The following CNTN5 variants were observed in gnomAD, a reference collection of about 807,000 sequenced individuals.
CNTN5 encodes the protein contactin-5.
CNTN5 carries 77 observed loss-of-function variants against 129.1 expected under a neutral mutation model. That is an observed-to-expected ratio of 0.60 (90% CI 0.50 to 0.72). CNTN5 has a LOEUF of 0.72. CNTN5 is among the 30% of genes least tolerant of loss of function. The probability of loss-of-function intolerance (pLI) is 0.00; values close to 1 mark genes in which losing one functional copy is unlikely to be tolerated. For missense variants in CNTN5, 1,478 were observed against 1,328.8 expected (o/e 1.11, Z -1.75); for synonymous variants, 509 against 465.6 (o/e 1.09, Z -1.20).
intron 1 of CNTN5, among the ~76,000 whole-genome samples, chr11:99,142,471 T>C (rs114345663): frequency 3.7e-3 from 569 of 152,076 alleles, no homozygotes; most frequent in African/African-American, 0.013. Context: ...GGTCTGCTGG[T>C]GTAGGAGCTA....
chr11:99,690,844 T>C (rs1303569919), intron 3 of CNTN5, among the ~76,000 whole-genome samples: 1 of 152,068 alleles, frequency 6.6e-6, no homozygotes, highest in Non-Finnish European at 1.5e-5. Flanking sequence ...ATAACAACTC[T>C]TTTTTGTACA....
At chr11:99,759,561 A>T (rs1012737021) in intron 3 of CNTN5, among the ~76,000 whole-genome samples, 1 of 151,960 alleles carries the variant, frequency 6.6e-6, no homozygotes, top group African/African-American at 2.4e-5. Context: ...TTGAGATATG[A>T]CCCCAAGAAT....
intron 2 of CNTN5, among the ~76,000 whole-genome samples, chr11:99,506,987 A>G (rs1946647386): frequency 6.6e-6 from 1 of 152,224 alleles, no homozygotes; most frequent in Admixed American, 6.5e-5. Context: ...TTGACATCTA[A>G]CATATGAAAT....
At chr11:99,379,711 G>T (rs557287550) in intron 2 of CNTN5, among the ~76,000 whole-genome samples, 1 of 152,178 alleles carries the variant, frequency 6.6e-6, no homozygotes, top group Admixed American at 6.5e-5. Flanking sequence ...GTGTATTTAT[G>T]CATTCTATAA....
At chr11:99,851,211 A>G (rs987728623) in intron 6 of CNTN5, among the ~76,000 whole-genome samples, 1 of 152,176 alleles carries the variant, frequency 6.6e-6, no homozygotes, top group African/African-American at 2.4e-5. Context: ...TTTAGCATTA[A>G]TAAACCTAAC....
chr11:100,169,711 GA>G (rs1194383932), intron 13 of CNTN5, among the ~76,000 whole-genome samples: 1 of 151,966 alleles, frequency 6.6e-6, no homozygotes, highest in Non-Finnish European at 1.5e-5. Context: ...TGATTTTATT[GA>G]GGTGGTTTGC....
intron 3 of CNTN5, among the ~76,000 whole-genome samples, chr11:99,682,514 A>G (rs1400214899): frequency 1.3e-5 from 2 of 151,982 alleles, no homozygotes; most frequent in Non-Finnish European, 2.9e-5. Context: ...TCTAAATACC[A>G]AAGTAATTTT....
intron 3 of CNTN5, among the ~76,000 whole-genome samples, chr11:99,730,176 A>G (rs954184389): frequency 1.3e-5 from 2 of 152,212 alleles, no homozygotes; most frequent in South Asian, 4.1e-4. Flanking sequence ...TTAATTAAAC[A>G]GAATTAAATA....
intron 1 of CNTN5, among the ~76,000 whole-genome samples, chr11:99,314,530 C>T (rs1195799513): frequency 1.3e-5 from 2 of 151,992 alleles, no homozygotes; most frequent in Non-Finnish European, 2.9e-5. Flanking sequence ...AGAGATTTTA[C>T]TGTCTAGACA....
chr11:99,492,664 C>A (rs1368932672), intron 2 of CNTN5, among the ~76,000 whole-genome samples: 1 of 151,850 alleles, frequency 6.6e-6, no homozygotes, highest in African/African-American at 2.4e-5. Flanking sequence ...CCCCTATAAC[C>A]AAAAGACACA....
chr11:99,192,015 A>C (rs1289911627), intron 1 of CNTN5, among the ~76,000 whole-genome samples: 1 of 151,688 alleles, frequency 6.6e-6, no homozygotes, highest in African/African-American at 2.4e-5. Flanking sequence ...AACTAACTTG[A>C]GTTGTATTTT....
chr11:99,093,878 T>G (rs752987196), intron 1 of CNTN5, among the ~76,000 whole-genome samples: 35 of 152,140 alleles, frequency 2.3e-4, no homozygotes, highest in Middle Eastern at 6.8e-3. Context: ...ATCTCTGACT[T>G]TCAAATTAGT....
At chr11:99,769,597 G>A (rs1944874089) in intron 3 of CNTN5, among the ~76,000 whole-genome samples, 1 of 152,012 alleles carries the variant, frequency 6.6e-6, no homozygotes, top group Non-Finnish European at 1.5e-5. Flanking sequence ...CTCACTTTGG[G>A]AGGCTGAAGA....
At chr11:99,160,495 C>T (rs1860556621) in intron 1 of CNTN5, among the ~76,000 whole-genome samples, 1 of 152,128 alleles carries the variant, frequency 6.6e-6, no homozygotes, top group South Asian at 2.1e-4. Context: ...TTACACTGTA[C>T]CTCACCTAAA....
chr11:100,200,820 G>T (rs1948760661), intron 15 of CNTN5, among the ~76,000 whole-genome samples: 1 of 151,910 alleles, frequency 6.6e-6, no homozygotes, highest in Admixed American at 6.6e-5. Flanking sequence ...AATTTCAAAA[G>T]TTAAATATGC....
rs113979695 is a variant in CNTN5, at chr11:99,896,457, T to A, written c.578-19597T>A. Among the ~76,000 whole-genome samples, 1,164 of 152,176 alleles carry A rather than the reference T, an allele frequency of 7.6e-3. 16 individuals are homozygous for A. The highest frequency in any genetic ancestry group is 0.027 in the African/African-American group (1,107 of 41,524). ...CATGTACCTCCAGCATGGGACTCCATAGCTGAGATACAGAGGAGTAGCAGG... is the reference window on the plus strand; with the variant it reads ...CATGTACCTCCAGCATGGGACTCCAAAGCTGAGATACAGAGGAGTAGCAGG... On this transcript the variant is annotated intron_variant, in intron 6 of 24. Transcript: ENST00000524871.
intron 15 of CNTN5, among the ~76,000 whole-genome samples, chr11:100,204,297 AATATATATATATATATATAT>A (rs10633078): frequency 0.017 from 304 of 17,658 alleles, 21 homozygotes; most frequent in African/African-American, 0.029. Context: ...AACATTGACT[AATATATATATATATATATAT>A]ATATATATAT....
Position 99,281,278 on chromosome 11 carries a change from A to G in CNTN5, c.-209-44068A>G, listed in dbSNP as rs77034004. Among the ~76,000 whole-genome samples the G allele has an allele frequency of 7.2e-5, 11 of 152,078 alleles. No homozygotes were observed. The East Asian group carries it at 2.1e-3, about 29-fold the overall frequency. On this transcript the variant is annotated intron_variant, in intron 1 of 24. Transcript: ENST00000524871. The stretch of plus-strand genomic sequence containing the variant: ...GATAAAAGGAATTTTCAGATTCAGA[A>G]AGCAGAAACCCCAAGCCAGAATAAC...
At chr11:99,730,302 A>G (rs1943487490) in intron 3 of CNTN5, among the ~76,000 whole-genome samples, 1 of 152,212 alleles carries the variant, frequency 6.6e-6, no homozygotes, top group Admixed American at 6.5e-5. Flanking sequence ...ATAATGCAGA[A>G]GCATCTAAGT....
Sources: gnomAD v4.1 joint callset for allele counts (sites outside exome capture counted in the v4.1 genomes callset) on GRCh38, gnomAD v4.1.1 for gene constraint, MANE v1.5 for transcripts, NCBI Gene and HGNC (gene_info 2026-07-23, HGNC 2026-07-21) for gene names.